ATP13A5: variants seen among roughly 807,000 people sequenced by gnomAD.
ATP13A5 encodes probable cation-transporting ATPase 13A5.
A neutral mutation model predicts 150.2 loss-of-function variants in ATP13A5; 149 were observed. That is an observed-to-expected ratio of 0.99 (90% CI 0.87 to 1.14). The LOEUF (loss-of-function observed/expected upper bound fraction) is 1.14, where lower values mean the gene tolerates loss of function less well. ATP13A5 is among the 50% of genes most tolerant of loss of function. ATP13A5 has a pLI of 0.00. For missense variants in ATP13A5, 1,383 were observed against 1,449.3 expected (o/e 0.95, Z 0.74); for synonymous variants, 497 against 522.2 (o/e 0.95, Z 0.66).
At position 193,362,391 on chromosome 3, in the gene ATP13A5, G is replaced by A. The variant is rs1223978272; in HGVS notation, c.526C>T (p.Gln176Ter). Residue 176 changes from glutamine (Q) to a stop codon, truncating the protein, a stop_gained, in exon 5 of 30, where the codon CAA becomes TAA. Transcript: ENST00000342358. LOFTEE classifies it high-confidence loss of function. ...TATAATAAGTCCTACCTGACCTCTTGCTCTTCACTGGTCAGACCCAATCCA... is the reference window on the plus strand; with the variant it reads ...TATAATAAGTCCTACCTGACCTCTTACTCTTCACTGGTCAGACCCAATCCA... The part of the protein sequence containing the change: ...TFGLGLTSEE[Q>*]EVRRLVCGPN... 6.2e-7 allele frequency: 1 copy of A among 1,613,938 alleles called. No homozygotes were observed. The highest frequency in any genetic ancestry group is 1.7e-5 in the Admixed American group (1 of 60,024).
intron 27 of ATP13A5, among the ~76,000 whole-genome samples, chr3:193,281,472 G>A (rs2108817406): frequency 6.6e-6 from 1 of 152,228 alleles, no homozygotes; most frequent in Middle Eastern, 3.4e-3. Flanking sequence ...TGAAAGAATA[G>A]GGCTCTGTTA....
intron 18 of ATP13A5, chr3:193,314,465 C>A: frequency 2.6e-6 from 1 of 384,204 alleles, no homozygotes; most frequent in Non-Finnish European, 4.7e-6. Context: ...ATGACCAATC[C>A]TCAGAAGACA....
At chr3:193,363,459 G>A (rs757595878) in intron 2 of ATP13A5, 77 bp from the exon 3 acceptor site, 9 of 1,373,654 alleles carry the variant, frequency 6.6e-6, no homozygotes, top group East Asian at 2.4e-5. Context: ...TACCTACCAA[G>A]TGGTACAAAA....
chr3:193,300,024 A>G lies in ATP13A5; in HGVS notation c.2776-821T>C, dbSNP rs184372654. Among the ~76,000 whole-genome samples the G allele has an allele frequency of 7.0e-4, 107 of 152,274 alleles. 1 individual carries two copies. The highest frequency in any genetic ancestry group is 3.4e-3 in the Middle Eastern group (1 of 294). ...TCTTATTTAGGTCTAGACCACTAGA[A>G]TGAATGGCTGCAGAGTGGACTATGG... On this transcript the variant is annotated intron_variant, in intron 24 of 29. Transcript: ENST00000342358.
At chr3:193,356,373 T>A (rs1237390844) in intron 5 of ATP13A5, among the ~76,000 whole-genome samples, 1 of 152,144 alleles carries the variant, frequency 6.6e-6, no homozygotes, top group Non-Finnish European at 1.5e-5. Context: ...ATATGCTGAA[T>A]GAACGAATTG....
At chr3:193,315,207 T>C (rs1719005667) in intron 17 of ATP13A5, 111 bp from the exon 18 acceptor site, 11 of 1,115,910 alleles carry the variant, frequency 9.9e-6, no homozygotes, top group African/African-American at 1.6e-5. Flanking sequence ...TACAGGCACA[T>C]TTTAAAAATC....
intron 25 of ATP13A5, among the ~76,000 whole-genome samples, chr3:193,298,904 G>A (rs548556713): frequency 9.9e-5 from 15 of 152,176 alleles, no homozygotes; most frequent in African/African-American, 2.4e-4. Flanking sequence ...CTTGGACTAC[G>A]TTGACAGTTT....
rs759377096 is a variant in ATP13A5, at chr3:193,275,002, A to G, written c.*40T>C. The stretch of plus-strand genomic sequence containing the variant: ...CTCCACAATGTGTTAATTTTGGGGA[A>G]AAAAGCAATGCTGTTGAGCATGTAC... On this transcript the variant is annotated 3_prime_UTR_variant, in exon 30 of 30. Transcript: ENST00000342358. 6.2e-7 allele frequency: 1 copy of G among 1,605,806 alleles called. No individual in the cohort carries two copies. Among genetic ancestry groups the G allele is most frequent in the Non-Finnish European group, 8.5e-7 (1 of 1,175,446 alleles).
At chr3:193,354,940 C>CTTTTTTTTTTCTTT (rs545467259) in intron 5 of ATP13A5, among the ~76,000 whole-genome samples, 4 of 127,904 alleles carry the variant, frequency 3.1e-5, no homozygotes, top group South Asian at 2.5e-4. Flanking sequence ...AACAATGTAA[C>CTTTTTTTTTTCTTT]TTTTTTTTTG....
At chr3:193,290,092 A>G (rs1259174673) in intron 25 of ATP13A5, 33 bp from the exon 26 acceptor site, 4 of 1,560,660 alleles carry the variant, frequency 2.6e-6, no homozygotes, top group African/African-American at 1.4e-5. Context: ...TCCTATTACA[A>G]TCTTATCATT....
rs1380870197 is a variant in ATP13A5, at chr3:193,305,561, G to C, written c.2676C>G (p.Ile892Met). ...TTNIQCVPHLIREGRAALVSS... is the reference protein window; with the variant it reads ...TTNIQCVPHLMREGRAALVSS... Reference sequence around the variant, plus strand: ...TGGAAGAGGAAAAAATGACTTACCTGATGAGATGAGGCACACACTGGATGT... The same window carrying C: ...TGGAAGAGGAAAAAATGACTTACCTCATGAGATGAGGCACACACTGGATGT... The change falls in exon 23 of 30, where the codon ATC (isoleucine) becomes ATG (methionine). Residue 892 changes from isoleucine to methionine, a missense_variant and splice_region_variant. By Grantham distance (10) the Ile-to-Met change is conservative (BLOSUM62 1). Around this residue, in one of 3 missense-constraint regions of ATP13A5, gnomAD observed 568 missense variants for 621.5 expected, o/e 0.91. Coordinates refer to ENST00000342358, the MANE Select transcript of ATP13A5 (RefSeq NM_198505.4). The C allele has an allele frequency of 6.2e-7, 1 of 1,612,768 alleles. No homozygotes were observed. Among genetic ancestry groups the C allele is most frequent in the African/African-American group, 1.3e-5 (1 of 74,874 alleles).
intron 3 of ATP13A5, among the ~76,000 whole-genome samples, chr3:193,362,855 C>T (rs889720966): frequency 1.4e-5 from 2 of 145,714 alleles, no homozygotes; most frequent in Non-Finnish European, 3.0e-5. Flanking sequence ...AGTGCAGTGG[C>T]GTGATGACCA....
chr3:193,330,492 A>G (rs983101459), intron 12 of ATP13A5, among the ~76,000 whole-genome samples: 7 of 152,144 alleles, frequency 4.6e-5, no homozygotes, highest in African/African-American at 1.7e-4. Flanking sequence ...AGCTGAGGGC[A>G]GGATCCAAAT....
chr3:193,337,225 G>A (rs1189927139), intron 9 of ATP13A5, among the ~76,000 whole-genome samples: 2 of 152,170 alleles, frequency 1.3e-5, no homozygotes, highest in Non-Finnish European at 1.5e-5. Flanking sequence ...TTGCTGTGCA[G>A]AAGCTCTTTA....
At chr3:193,306,012 A>T (rs1280052364) in intron 22 of ATP13A5, among the ~76,000 whole-genome samples, 2 of 152,004 alleles carry the variant, frequency 1.3e-5, no homozygotes, top group Non-Finnish European at 2.9e-5. Context: ...CAGAATTTGG[A>T]TGGACGTTGG....
intron 23 of ATP13A5, among the ~76,000 whole-genome samples, chr3:193,303,370 T>C (rs1398270351): frequency 6.6e-6 from 1 of 152,226 alleles, no homozygotes; most frequent in Non-Finnish European, 1.5e-5. Flanking sequence ...GAACATTTGC[T>C]GTCTTGTTTG....
chr3:193,285,194 C>G, intron 26 of ATP13A5, 78 bp from the exon 27 acceptor site: 1 of 1,210,394 alleles, frequency 8.3e-7, no homozygotes, highest in Non-Finnish European at 1.2e-6. Context: ...ATAATTTAAT[C>G]ACTACCATGG....
chr3:193,378,529 T>C, intron 1 of ATP13A5, 134 bp downstream of exon 1: 1 of 794,052 alleles, frequency 1.3e-6, no homozygotes, highest in South Asian at 1.7e-5. Context: ...TTAAGGAACC[T>C]TACCAGACTG....
At chr3:193,332,095 A>G (rs1262434233) in intron 11 of ATP13A5, among the ~76,000 whole-genome samples, 1 of 152,162 alleles carries the variant, frequency 6.6e-6, no homozygotes, top group Non-Finnish European at 1.5e-5. Flanking sequence ...TCCCACCTGT[A>G]GTAAGAGGGA....
Sources: allele counts gnomAD v4.1 joint callset (sites outside exome capture counted in the v4.1 genomes callset), GRCh38; gene constraint gnomAD v4.1.1; regional missense constraint gnomAD v4.1.1; transcripts MANE v1.5; gene names NCBI Gene and HGNC (gene_info 2026-07-23, HGNC 2026-07-21).